The following ZFYVE9 variants were observed in gnomAD, a reference collection of about 807,000 sequenced individuals.
The protein encoded by ZFYVE9 is zinc finger FYVE domain-containing protein 9.
In ZFYVE9, 43 loss-of-function variants were observed where a neutral mutation model predicts 126.7. The ratio of observed to expected loss-of-function variants is 0.34; its 90% CI spans 0.27 to 0.44. The LOEUF (loss-of-function observed/expected upper bound fraction) is 0.44. ZFYVE9 is among the 20% of genes least tolerant of loss of function. The pLI is 1.00. For synonymous variants in ZFYVE9, 521 were observed against 597.4 expected (o/e 0.87, Z 1.87); for missense variants, 1,476 against 1,697.0 (o/e 0.87, Z 2.29).
chr1:52,281,606 A>C (rs1645806092), intron 9 of ZFYVE9, 55 bp from the exon 10 acceptor site: 2 of 1,579,446 alleles, frequency 1.3e-6, no homozygotes, highest in Non-Finnish European at 1.7e-6. Flanking sequence ...ATCTTTTTTT[A>C]AGAGTAAGGA....
intron 7 of ZFYVE9, 33 bp from the exon 8 acceptor site, chr1:52,274,431 G>C: frequency 6.3e-7 from 1 of 1,578,790 alleles, no homozygotes; most frequent in Non-Finnish European, 8.6e-7. Context: ...TGAATTCTCT[G>C]TAGTGCTCAC....
At chr1:52,195,609 T>C (rs1028465111) in intron 1 of ZFYVE9, among the ~76,000 whole-genome samples, 2 of 152,002 alleles carry the variant, frequency 1.3e-5, no homozygotes, top group African/African-American at 2.4e-5. Context: ...CTTGGAAGAG[T>C]GTCTGGTACA....
At chr1:52,304,011 A>G in intron 13 of ZFYVE9, 86 bp downstream of exon 13, 1 of 793,614 alleles carries the variant, frequency 1.3e-6, no homozygotes, top group Non-Finnish European at 1.9e-6. Context: ...AATTTTACTT[A>G]TAATTAATTA....
intron 1 of ZFYVE9, among the ~76,000 whole-genome samples, chr1:52,149,286 G>A (rs1644332912): frequency 6.6e-6 from 1 of 152,048 alleles, no homozygotes; most frequent in Admixed American, 6.5e-5. Context: ...AGAAACATTA[G>A]CAAGTAATTA....
At chr1:52,342,639 G>A (rs187927633) in intron 17 of ZFYVE9, among the ~76,000 whole-genome samples, 5 of 148,794 alleles carry the variant, frequency 3.4e-5, no homozygotes, top group Non-Finnish European at 5.9e-5. Context: ...GGGTTCAGGC[G>A]ATTCTCCTGC....
intron 14 of ZFYVE9, among the ~76,000 whole-genome samples, chr1:52,333,555 T>G (rs1646362795): frequency 6.6e-6 from 1 of 152,178 alleles, no homozygotes. Context: ...CATTCGACTT[T>G]GAGAAGCATT....
At chr1:52,265,808 A>AT (rs1645628211) in intron 5 of ZFYVE9, among the ~76,000 whole-genome samples, 1 of 152,192 alleles carries the variant, frequency 6.6e-6, no homozygotes, top group Non-Finnish European at 1.5e-5. Context: ...TTTTAATGAG[A>AT]TTTTATTTTA....
chr1:52,236,235 A>G (rs1419632184), intron 3 of ZFYVE9, among the ~76,000 whole-genome samples: 1 of 152,138 alleles, frequency 6.6e-6, no homozygotes, highest in Non-Finnish European at 1.5e-5. Context: ...ATTCACTTAT[A>G]TATTTACTGT....
At chr1:52,210,074 G>A (rs346563) in intron 1 of ZFYVE9, among the ~76,000 whole-genome samples, 1,742 of 152,262 alleles carry the variant, frequency 0.011, 26 homozygotes, top group African/African-American at 0.04. Context: ...TAAGAGGTAA[G>A]ATTGATAAGA....
At chr1:52,244,700 T>C (rs1364448996) in intron 4 of ZFYVE9, among the ~76,000 whole-genome samples, 1 of 152,190 alleles carries the variant, frequency 6.6e-6, no homozygotes, top group Non-Finnish European at 1.5e-5. Flanking sequence ...CCTGACTTAA[T>C]GGGTTAGAAT....
Position 52,346,101 on chromosome 1 carries a change from G to T in ZFYVE9, c.4158G>T (p.Ser1386=), listed in dbSNP as rs373615756. ...QAGSNGQPLP[S]QYMNDLDSAL... ...GGAGCAATGGCCAGCCCCTTCCCTC[G>T]CAGTACATGAATGATCTGGACAGCG... is the stretch of plus-strand genomic sequence containing the variant. The change falls in exon 19 of 19, where the codon TCG becomes TCT. Residue 1386 remains serine (S), a synonymous_variant. Coordinates refer to ENST00000287727, the MANE Select transcript of ZFYVE9 (RefSeq NM_004799.4). 1.0e-4 allele frequency: 163 copies of T among 1,609,672 alleles called. No homozygotes were observed. The highest frequency in any genetic ancestry group is 1.4e-4 in the Non-Finnish European group (161 of 1,177,064).
chr1:52,262,469 A>G (rs1186699875), intron 4 of ZFYVE9, among the ~76,000 whole-genome samples: 1 of 152,218 alleles, frequency 6.6e-6, no homozygotes, highest in East Asian at 1.9e-4. Flanking sequence ...GAAAATAAGG[A>G]TAATATGTAT....
chr1:52,189,438 T>C (rs1297687603), intron 1 of ZFYVE9, among the ~76,000 whole-genome samples: 3 of 152,070 alleles, frequency 2.0e-5, no homozygotes, highest in Admixed American at 1.3e-4. Context: ...GGTTTTGTCA[T>C]GTTGGCCAGG....
At chr1:52,187,207 G>A (rs1464837330) in intron 1 of ZFYVE9, among the ~76,000 whole-genome samples, 2 of 152,076 alleles carry the variant, frequency 1.3e-5, no homozygotes, top group Non-Finnish European at 2.9e-5. Flanking sequence ...ACAAAAACTA[G>A]CAATGGGGAA....
intron 1 of ZFYVE9, among the ~76,000 whole-genome samples, chr1:52,193,568 A>G (rs868838189): frequency 2.0e-5 from 3 of 151,576 alleles, no homozygotes; most frequent in Non-Finnish European, 4.4e-5. Flanking sequence ...TTAGCTGGGC[A>G]TGGTTGCAGG....
At chr1:52,259,625 T>TAAA (rs541679465) in intron 4 of ZFYVE9, among the ~76,000 whole-genome samples, 88 of 84,152 alleles carry the variant, frequency 1.0e-3, no homozygotes, top group Non-Finnish European at 1.3e-3. Flanking sequence ...CTGTCTCTAC[T>TAAA]AAAAAAAAAA....
At chr1:52,331,485 G>A (rs1557523658) in intron 13 of ZFYVE9, among the ~76,000 whole-genome samples, 1 of 150,480 alleles carries the variant, frequency 6.6e-6, no homozygotes, top group Non-Finnish European at 1.5e-5. Context: ...GGGTGCAGTG[G>A]CTCACACCTG....
intron 13 of ZFYVE9, among the ~76,000 whole-genome samples, chr1:52,323,468 C>T (rs975996191): frequency 6.6e-6 from 1 of 152,214 alleles, no homozygotes; most frequent in Admixed American, 6.5e-5. Flanking sequence ...AATTTGTTTG[C>T]TTGTCTACTA....
chr1:52,153,407 T>G (rs1672889471), intron 1 of ZFYVE9, among the ~76,000 whole-genome samples: 1 of 152,224 alleles, frequency 6.6e-6, no homozygotes, highest in African/African-American at 2.4e-5. Flanking sequence ...TGCCCTCAGC[T>G]ATCATTTCTG....
Sources: gnomAD v4.1 joint callset for allele counts (sites outside exome capture counted in the v4.1 genomes callset) on GRCh38, gnomAD v4.1.1 for gene constraint, MANE v1.5 for transcripts, NCBI Gene and HGNC (gene_info 2026-07-23, HGNC 2026-07-21) for gene names.